PARD3B: variants seen among roughly 807,000 people sequenced by gnomAD.
The protein encoded by PARD3B is par-3 family cell polarity regulator beta, also known as partitioning defective 3 homolog B.
PARD3B carries 103 observed loss-of-function variants against 130.2 expected under a neutral mutation model. That is an observed-to-expected ratio of 0.79 (90% CI 0.67 to 0.93). The LOEUF (loss-of-function observed/expected upper bound fraction) is 0.93. Among genes scored for constraint, PARD3B ranks in the 40% least tolerant of loss-of-function variants. The probability of loss-of-function intolerance (pLI) is 0.00; values close to 1 mark genes in which losing one functional copy is unlikely to be tolerated. For synonymous variants in PARD3B, 583 were observed against 553.2 expected (o/e 1.05, Z -0.76); for missense variants, 1,609 against 1,499.2 (o/e 1.07, Z -1.21).
rs528967763 is a variant in PARD3B at position 205,300,099 on chromosome 2, G to A, written c.2186-431G>A. ...GGACGATACTGGAAGAGAAGCTCTC[G>A]TCATGTTAGGTGCTTGGTATGTTTG... On this transcript the variant is annotated intron_variant, in intron 16 of 22. Transcript: ENST00000406610. This position sits in a 1 kb window ranked among gnomAD's most constrained non-coding sequence, Gnocchi z 4.1. 1.4e-3 allele frequency among the ~76,000 whole-genome samples: 211 copies of A among 152,120 alleles called. No homozygotes were observed. The highest frequency in any genetic ancestry group is 1.1e-3 in the Non-Finnish European group (78 of 68,028).
chr2:205,249,012 T>TG (rs1040092608), intron 16 of PARD3B, among the ~76,000 whole-genome samples: 2 of 142,382 alleles, frequency 1.4e-5, no homozygotes, highest in African/African-American at 5.3e-5. Flanking sequence ...AAGAGTTTTT[T>TG]TTTTTTTTTT....
intron 1 of PARD3B, among the ~76,000 whole-genome samples, chr2:204,660,195 A>G (rs1170301918): frequency 6.6e-6 from 1 of 152,082 alleles, no homozygotes; most frequent in African/African-American, 2.4e-5. Context: ...TGAATTATAA[A>G]TTTTCATCCC....
intron 3 of PARD3B, among the ~76,000 whole-genome samples, chr2:204,978,684 G>T (rs1393875394): frequency 2.6e-5 from 4 of 152,100 alleles, no homozygotes; most frequent in African/African-American, 9.7e-5. Flanking sequence ...GATTTTGGCT[G>T]TGCATGGTGT....
chr2:204,780,459 A>T lies in PARD3B; in HGVS notation c.222+94177A>T, dbSNP rs185761363. 2.3e-4 allele frequency among the ~76,000 whole-genome samples: 35 copies of T among 152,340 alleles called. 1 individual carries two copies. Among genetic ancestry groups the T allele is most frequent in the Admixed American group, 9.8e-4 (15 of 15,288 alleles). On this transcript the variant is annotated intron_variant, in intron 2 of 22. Coordinates refer to ENST00000406610, the MANE Select transcript of PARD3B (RefSeq NM_001302769.2). Reference sequence around the variant, plus strand: ...AACAGATTTTTTAAATAATTTATACATAATAGAAGTGTGTTCTAAATAATT... The same window carrying T: ...AACAGATTTTTTAAATAATTTATACTTAATAGAAGTGTGTTCTAAATAATT...
chr2:204,670,477 G>GT (rs946909533), intron 1 of PARD3B, among the ~76,000 whole-genome samples: 15 of 152,200 alleles, frequency 9.9e-5, no homozygotes, highest in Admixed American at 9.8e-4. Flanking sequence ...AACCCCACAG[G>GT]TTTTTTCTAT....
chr2:205,500,134 A>G, intron 21 of PARD3B, 103 bp downstream of exon 21: 1 of 1,331,528 alleles, frequency 7.5e-7, no homozygotes, highest in Non-Finnish European at 1.0e-6. Flanking sequence ...GATTCTATTT[A>G]GGTTTCTTGG....
intron 2 of PARD3B, among the ~76,000 whole-genome samples, chr2:204,928,354 G>A (rs1687787158): frequency 2.0e-5 from 3 of 152,088 alleles, no homozygotes; most frequent in Admixed American, 2.0e-4. Flanking sequence ...GGTAAAATAA[G>A]TCAAAGTTAG....
chr2:204,701,242 A>C (rs185097841), intron 2 of PARD3B, among the ~76,000 whole-genome samples: 62 of 152,220 alleles, frequency 4.1e-4, no homozygotes, highest in Non-Finnish European at 7.4e-4. Context: ...ATTCTGATAA[A>C]TACTCTATTT....
intron 22 of PARD3B, among the ~76,000 whole-genome samples, chr2:205,598,245 G>C (rs1183948074): frequency 2.8e-4 from 43 of 152,168 alleles, no homozygotes; most frequent in Non-Finnish European, 1.5e-5. Flanking sequence ...AACACCTATA[G>C]GTTCAAAGTA....
chr2:205,014,165 TAAG>T (rs1460624893), intron 3 of PARD3B, among the ~76,000 whole-genome samples: 2 of 152,190 alleles, frequency 1.3e-5, no homozygotes, highest in Non-Finnish European at 2.9e-5. Flanking sequence ...TCAATAAAAA[TAAG>T]AATAGCTTTA....
chr2:205,179,686 C>G (rs368431904), intron 13 of PARD3B, among the ~76,000 whole-genome samples: 4 of 152,268 alleles, frequency 2.6e-5, no homozygotes, highest in African/African-American at 7.2e-5. Context: ...ACAAAATTGC[C>G]TAACGAAGCT....
intron 3 of PARD3B, 131 bp from the exon 4 acceptor site, chr2:205,047,450 A>G (rs757834825): frequency 8.8e-6 from 5 of 568,856 alleles, no homozygotes; most frequent in African/African-American, 7.6e-5. Flanking sequence ...ATTAATTTAC[A>G]AGCATCCTTA....
intron 18 of PARD3B, among the ~76,000 whole-genome samples, chr2:205,364,939 C>T (rs1190796873): frequency 2.0e-5 from 3 of 152,116 alleles, no homozygotes; most frequent in Admixed American, 6.5e-5. Context: ...TGGTGGCTCA[C>T]GCCTGTAATC....
chr2:205,337,087 A>G (rs949399192), intron 18 of PARD3B, among the ~76,000 whole-genome samples: 1 of 152,114 alleles, frequency 6.6e-6, no homozygotes, highest in Non-Finnish European at 1.5e-5. Context: ...GTCTTTCCCT[A>G]GACAGTGGCT....
intron 18 of PARD3B, among the ~76,000 whole-genome samples, chr2:205,319,863 C>G (rs2042689317): frequency 6.6e-6 from 1 of 151,666 alleles, no homozygotes; most frequent in South Asian, 2.1e-4. Flanking sequence ...AGTTTTTTTT[C>G]TTTTTTGCCC....
chr2:204,985,554 G>A (rs1693058193), intron 3 of PARD3B, among the ~76,000 whole-genome samples: 1 of 152,180 alleles, frequency 6.6e-6, no homozygotes, highest in African/African-American at 2.4e-5. Flanking sequence ...ACATGAACGT[G>A]GCTGGAATTT....
At chr2:204,700,990 T>G (rs2037863943) in intron 2 of PARD3B, among the ~76,000 whole-genome samples, 1 of 152,088 alleles carries the variant, frequency 6.6e-6, no homozygotes, top group Non-Finnish European at 1.5e-5. Flanking sequence ...GCAGGAGTAG[T>G]CATTATTAAA....
At chr2:205,579,735 T>A (rs186703660) in intron 22 of PARD3B, among the ~76,000 whole-genome samples, 2 of 152,356 alleles carry the variant, frequency 1.3e-5, no homozygotes, top group Admixed American at 1.3e-4. Context: ...GACAGCATAT[T>A]CTTTCACAGA....
At position 205,126,752 on chromosome 2, in the gene PARD3B, C is replaced by CAAAAAAAAA. The variant is rs4045004; in HGVS notation, c.1434+1042_1434+1050dup. On this transcript the variant is annotated intron_variant, in intron 10 of 22. Coordinates refer to ENST00000406610, the MANE Select transcript of PARD3B (RefSeq NM_001302769.2). ...TGGGCGACAGAGCGAGACTCCGTCT[C>CAAAAAAAAA]AAAAAAAAAAAAAAAAAAAAAAAAA... 6.8e-4 allele frequency among the ~76,000 whole-genome samples: 51 copies of CAAAAAAAAA among 74,456 alleles called. 5 individuals carry two copies. Among genetic ancestry groups the CAAAAAAAAA allele is most frequent in the African/African-American group, 1.8e-3 (28 of 15,456 alleles). 48.8% of individuals were successfully genotyped at this position (74,456 alleles called of 152,430 possible).
Sources: allele counts gnomAD v4.1 joint callset (sites outside exome capture counted in the v4.1 genomes callset), GRCh38; gene constraint gnomAD v4.1.1; non-coding constraint Gnocchi (gnomAD v3.1); transcripts MANE v1.5; gene names NCBI Gene and HGNC (gene_info 2026-07-23, HGNC 2026-07-21).